Variants in GNG7 observed in about 807,000 individuals in gnomAD.
The protein encoded by GNG7 is G protein subunit gamma 7.
Under a neutral mutation model 4.0 loss-of-function variants are expected in GNG7, and 1 was observed. The ratio of observed to expected loss-of-function variants is 0.25; its 90% CI spans 0.09 to 1.18. The LOEUF (loss-of-function observed/expected upper bound fraction) is 1.18, where lower values mean the gene tolerates loss of function less well. Ranked by LOEUF, GNG7 falls within the 50% of genes most tolerant of loss-of-function variation. The pLI, the probability that GNG7 is intolerant of heterozygous loss-of-function variation, is 0.50. For missense variants in GNG7, 86 were observed against 91.9 expected, an observed-to-expected ratio of 0.94 and a Z score of 0.26; for synonymous variants, 34 against 36.9, an observed-to-expected ratio of 0.92 and a Z score of 0.29.
At chr19:2,568,652 C>CACATAT (rs1228699386) in intron 2 of GNG7, among the ~76,000 whole-genome samples, 2 of 122,484 alleles carry the variant, frequency 1.6e-5, no homozygotes, top group South Asian at 5.4e-4. Context: ...TACACAAATA[C>CACATAT]ACATATACAC....
intron 4 of GNG7, among the ~76,000 whole-genome samples, 189 bp downstream of exon 4, chr19:2,520,419 T>C (rs1383718167): frequency 6.6e-6 from 1 of 152,014 alleles, no homozygotes; most frequent in Non-Finnish European, 1.5e-5. Flanking sequence ...AGGAGATAGG[T>C]GTTAGATCAG....
At chr19:2,579,819 A>G (rs1248989528) in intron 2 of GNG7, among the ~76,000 whole-genome samples, 1 of 152,144 alleles carries the variant, frequency 6.6e-6, no homozygotes, top group African/African-American at 2.4e-5. Context: ...AAGTGCCACA[A>G]ATGGGGGACT....
At chr19:2,537,797 G>A (rs182329099) in intron 3 of GNG7, among the ~76,000 whole-genome samples, 64 of 152,148 alleles carry the variant, frequency 4.2e-4, no homozygotes, top group Non-Finnish European at 8.1e-4. Flanking sequence ...TGAGGGAAGC[G>A]ACACAGAATT....
At chr19:2,524,451 ATGTG>A (rs979492452) in intron 3 of GNG7, among the ~76,000 whole-genome samples, 1 of 152,072 alleles carries the variant, frequency 6.6e-6, no homozygotes, top group African/African-American at 2.4e-5. Context: ...ATGTGCATGT[ATGTG>A]TACCTTGCGT....
chr19:2,659,383 A>C (rs1172332564), intron 1 of GNG7, among the ~76,000 whole-genome samples: 1 of 150,646 alleles, frequency 6.6e-6, no homozygotes, highest in Non-Finnish European at 1.5e-5. Context: ...GTTTGACAGG[A>C]GTTTGAGACC....
At chr19:2,625,349 G>A (rs1037147119) in intron 2 of GNG7, among the ~76,000 whole-genome samples, 2 of 152,118 alleles carry the variant, frequency 1.3e-5, no homozygotes, top group South Asian at 2.1e-4. Context: ...TGGGATTATA[G>A]GTGTGAGCCA....
chr19:2,542,881 CT>C lies in GNG7; in HGVS notation c.-38+12267del, dbSNP rs60152060. Among the ~76,000 whole-genome samples the C allele has an allele frequency of 2.0e-3, 239 of 118,322 alleles. 2 individuals are homozygous for C. The highest frequency in any genetic ancestry group is 8.6e-3 in the East Asian group (36 of 4,172). 77.6% of individuals were successfully genotyped at this position (118,322 alleles called of 152,430 possible). A position where few individuals can be genotyped will look rare whatever the true frequency, so the allele number is the denominator to read the frequency against. Reference sequence around the variant, plus strand: ...TGCACACATCATCTCTGCTGTTTTCCTTTTTTTTTTTTTTTTTTGGTGGTTT... The same window carrying C: ...TGCACACATCATCTCTGCTGTTTTCCTTTTTTTTTTTTTTTTTGGTGGTTT... On this transcript the variant is annotated intron_variant, in intron 3 of 4. Coordinates refer to ENST00000382159, the MANE Select transcript of GNG7 (RefSeq NM_052847.3).
chr19:2,529,320 G>A (rs944463894), intron 3 of GNG7, among the ~76,000 whole-genome samples: 15 of 152,144 alleles, frequency 9.9e-5, no homozygotes, highest in Admixed American at 3.3e-4. Flanking sequence ...AGGTTCAAGC[G>A]ATTCTCTTGC....
rs950447349 is a variant in GNG7, at chr19:2,650,164, A to C, written c.-134-3884T>G. On this transcript the variant is annotated intron_variant, in intron 1 of 4. Transcript: ENST00000382159. The stretch of plus-strand genomic sequence containing the variant: ...GGCAATTGTGAATCTGCTGCTGTGA[A>C]TATTCGTGTCATAGGAATCTTTTTT... 2.0e-5 allele frequency among the ~76,000 whole-genome samples: 3 copies of C among 149,968 alleles called. No individual in the cohort carries two copies. In the East Asian group the frequency reaches 5.9e-4, roughly 29 times the overall value.
chr19:2,688,785 G>C (rs910111603), intron 1 of GNG7, among the ~76,000 whole-genome samples: 17 of 152,146 alleles, frequency 1.1e-4, no homozygotes, highest in Non-Finnish European at 2.2e-4. Flanking sequence ...CCCATTGTTA[G>C]CCGGGCACAG....
At chr19:2,553,125 CAAAAAA>C (rs36098274) in intron 3 of GNG7, among the ~76,000 whole-genome samples, 1 of 112,402 alleles carries the variant, frequency 8.9e-6, no homozygotes, top group Admixed American at 9.4e-5. Flanking sequence ...AAAGCAAAAC[CAAAAAA>C]AAAAAAAAAA....
chr19:2,597,893 T>C (rs925250702), intron 2 of GNG7, among the ~76,000 whole-genome samples: 21 of 72,368 alleles, frequency 2.9e-4, no homozygotes, highest in Admixed American at 1.5e-3. Flanking sequence ...GAGACTCTGT[T>C]TCAAAAAAAA....
At chr19:2,659,379 C>T (rs368408364) in intron 1 of GNG7, among the ~76,000 whole-genome samples, 1 of 150,546 alleles carries the variant, frequency 6.6e-6, no homozygotes, top group Admixed American at 6.6e-5. Flanking sequence ...AGGAGTTTGA[C>T]AGGAGTTTGA....
chr19:2,539,383 G>T (rs1365252899), intron 3 of GNG7, among the ~76,000 whole-genome samples: 1 of 148,838 alleles, frequency 6.7e-6, no homozygotes, highest in Non-Finnish European at 1.5e-5. Flanking sequence ...TCGGCTCACT[G>T]CAACCTTTGC....
chr19:2,615,945 C>T (rs764342666), intron 2 of GNG7, among the ~76,000 whole-genome samples: 1 of 152,176 alleles, frequency 6.6e-6, no homozygotes, highest in Non-Finnish European at 1.5e-5. Context: ...GCCTCCTGTC[C>T]CCTTCAAATC....
chr19:2,673,101 C>CA (rs1266860598), intron 1 of GNG7, among the ~76,000 whole-genome samples: 1 of 150,966 alleles, frequency 6.6e-6, no homozygotes, highest in Admixed American at 6.6e-5. Flanking sequence ...CTAAACAATA[C>CA]AAAAAATTAG....
At chr19:2,684,283 T>C (rs60041956) in intron 1 of GNG7, among the ~76,000 whole-genome samples, 63,274 of 151,196 alleles carry the variant, frequency 0.42, 13,807 homozygotes, top group East Asian at 0.61. Flanking sequence ...ATTACAGGGG[T>C]CCGCCACCAC....
intron 3 of GNG7, among the ~76,000 whole-genome samples, chr19:2,536,480 G>A (rs545652525): frequency 1.2e-4 from 18 of 151,946 alleles, no homozygotes; most frequent in African/African-American, 4.3e-4. Context: ...TGAAACTGAA[G>A]CCACATGTTT....
chr19:2,548,073 C>T (rs1979185851), intron 3 of GNG7, among the ~76,000 whole-genome samples: 1 of 152,212 alleles, frequency 6.6e-6, no homozygotes. Flanking sequence ...GGCCACCCCA[C>T]TCCAGCCCTG....
Sources: gnomAD v4.1 joint callset for allele counts (sites outside exome capture counted in the v4.1 genomes callset) on GRCh38, gnomAD v4.1.1 for gene constraint, MANE v1.5 for transcripts, NCBI Gene and HGNC (gene_info 2026-07-23, HGNC 2026-07-21) for gene names.